TENT4B: variants seen among roughly 807,000 people sequenced by gnomAD.
The protein encoded by TENT4B is PAP associated domain containing 5.
In TENT4B, 10 loss-of-function variants were observed where a neutral mutation model predicts 75.0. The observed-to-expected ratio is 0.13, with a 90% CI of 0.08 to 0.23. The LOEUF (loss-of-function observed/expected upper bound fraction) is 0.23. TENT4B is among the 10% of genes least tolerant of loss of function. TENT4B has a pLI of 1.00. For missense variants in TENT4B, 579 were observed against 893.8 expected, an observed-to-expected ratio of 0.65 and a Z score of 4.49; for synonymous variants, 350 against 357.7, an observed-to-expected ratio of 0.98 and a Z score of 0.24.
Position 50,230,378 on chromosome 16 carries a change from A to G in TENT4B, c.*1050A>G. 1 of 983,852 alleles carries G rather than the reference A, an allele frequency of 1.0e-6. No individual in the cohort carries two copies. The highest frequency in any genetic ancestry group is 1.2e-6 in the Non-Finnish European group (1 of 829,738). 60.9% of individuals were successfully genotyped at this position (983,852 alleles called of 1,614,324 possible). ...AAACTTCGAGTTCCACAGACTTTGC[A>G]TGCTGGCTTCTCTAACCCTGTGTGC... is the stretch of plus-strand genomic sequence containing the variant. On this transcript the variant is annotated 3_prime_UTR_variant, in exon 12 of 12. Transcript: ENST00000561678.
At chr16:50,227,538 T>TA (rs1277045490) in intron 10 of TENT4B, among the ~76,000 whole-genome samples, 2 of 152,224 alleles carry the variant, frequency 1.3e-5, no homozygotes, top group African/African-American at 4.8e-5. Flanking sequence ...CCTCACTCTT[T>TA]ACCATACTCT....
chr16:50,229,167 C>A lies in TENT4B; in HGVS notation c.1981C>A (p.Leu661Ile), dbSNP rs748059845. The stretch of plus-strand genomic sequence containing the variant: ...GTTTCTGCAGCATGGATCAGCAAGG[C>A]TCTTTCGTTCTTCCAGCAAAGGCTT... ...TNKSQHGSAR[L>I]FRSSSKGFQG... The change falls in exon 12 of 12, where the codon CTC becomes ATC. Residue 661 changes from leucine (L) to isoleucine (I), a missense_variant. By Grantham distance (5) the Leu-to-Ile change is conservative. Around this residue, in one of 7 missense-constraint regions of TENT4B, gnomAD observed 164 missense variants for 226.5 expected, o/e 0.72. Coordinates refer to ENST00000561678, the MANE Select transcript of TENT4B (RefSeq NM_001365324.3). 4.2e-5 allele frequency: 67 copies of A among 1,613,774 alleles called. No homozygotes were observed. The highest frequency in any genetic ancestry group is 6.8e-6 in the Non-Finnish European group (8 of 1,179,796).
In TENT4B at chr16:50,233,875, T is replaced by A. The variant is rs749393810; in HGVS notation, c.*4547T>A. On this transcript the variant is annotated 3_prime_UTR_variant, in exon 12 of 12. Transcript: ENST00000561678. ...TGGATTTACTGAGAGATATTTTAGC[T>A]ATGTCAATAAGAACAGCTAATGATG... The A allele has an allele frequency of 1.6e-5, 16 of 985,336 alleles. No homozygotes were observed. The highest frequency in any genetic ancestry group is 1.9e-5 in the Non-Finnish European group (16 of 829,936). The allele number at this position is 985,336 out of a possible 1,614,324, so 61.0% of individuals were successfully genotyped here.
At chr16:50,199,677 T>C (rs1227691041) in intron 1 of TENT4B, among the ~76,000 whole-genome samples, 1 of 152,248 alleles carries the variant, frequency 6.6e-6, no homozygotes, top group Non-Finnish European at 1.5e-5. Context: ...TTAGGATTCC[T>C]TCATGCCTTT....
chr16:50,152,949 C>G (rs1227172986), upstream of TENT4B: 1 of 1,506,364 alleles, frequency 6.6e-7, no homozygotes, highest in African/African-American at 1.4e-5. Context: ...GGGCGGCAAC[C>G]TCCATGCGGC....
intron 1 of TENT4B, among the ~76,000 whole-genome samples, chr16:50,198,253 C>T (rs775402459): frequency 1.1e-4 from 17 of 151,194 alleles, no homozygotes; most frequent in Non-Finnish European, 2.5e-4. Flanking sequence ...CCCGTCTCTA[C>T]AAAAAATACA....
At chr16:50,155,144 G>T (rs571264170) in intron 1 of TENT4B, among the ~76,000 whole-genome samples, 1 of 152,284 alleles carries the variant, frequency 6.6e-6, no homozygotes, top group East Asian at 1.9e-4. Flanking sequence ...AATCTTACCT[G>T]ACCCCTAGTG....
At chr16:50,209,767 C>CG (rs2031181619) in intron 1 of TENT4B, among the ~76,000 whole-genome samples, 2 of 152,176 alleles carry the variant, frequency 1.3e-5, no homozygotes, top group African/African-American at 4.8e-5. Flanking sequence ...GTCTAGAACT[C>CG]AAGGTTTTTG....
At chr16:50,155,719 G>T (rs1014111313) in intron 1 of TENT4B, among the ~76,000 whole-genome samples, 1 of 152,132 alleles carries the variant, frequency 6.6e-6, no homozygotes, top group Admixed American at 6.6e-5. Flanking sequence ...TGGTCATCAC[G>T]TTTTATTAAA....
chr16:50,186,231 T>C (rs536883849), intron 1 of TENT4B, among the ~76,000 whole-genome samples: 1 of 152,194 alleles, frequency 6.6e-6, no homozygotes, highest in South Asian at 2.1e-4. Context: ...AACTAGATGC[T>C]GGCAATCACC....
intron 6 of TENT4B, among the ~76,000 whole-genome samples, chr16:50,222,807 G>A (rs1567513010): frequency 6.6e-6 from 1 of 152,288 alleles, no homozygotes; most frequent in South Asian, 2.1e-4. Flanking sequence ...CAGCTATTTG[G>A]GTAAGCGAAT....
chr16:50,201,834 A>T (rs1383572552), intron 1 of TENT4B, among the ~76,000 whole-genome samples: 1 of 130,132 alleles, frequency 7.7e-6, no homozygotes, highest in Non-Finnish European at 1.8e-5. Context: ...TCTATTTAAA[A>T]AAAAAAAAAA....
chr16:50,227,810 C>T (rs2032119950), intron 10 of TENT4B, 29 bp from the exon 11 acceptor site: 3 of 1,604,018 alleles, frequency 1.9e-6, no homozygotes, highest in Non-Finnish European at 2.6e-6. Flanking sequence ...ACTAATATGT[C>T]ACATTATAAC....
chr16:50,168,512 T>C (rs1380876575), intron 1 of TENT4B, among the ~76,000 whole-genome samples: 1 of 148,778 alleles, frequency 6.7e-6, no homozygotes, highest in African/African-American at 2.5e-5. Flanking sequence ...CTCGGTTTCA[T>C]CATGTTGGCC....
Position 50,231,181 on chromosome 16 carries a change from A to G in TENT4B, c.*1853A>G. On this transcript the variant is annotated 3_prime_UTR_variant, in exon 12 of 12. Transcript: ENST00000561678. ...TAAACTGTGGAAGATTTCAAATGTG[A>G]TGTTATTTTGACAATGTTTTAAATT... 1.0e-6 allele frequency: 1 copy of G among 985,334 alleles called. No individual in the cohort carries two copies. The highest frequency in any genetic ancestry group is 1.2e-6 in the Non-Finnish European group (1 of 829,446). The allele number at this position is 985,334 out of a possible 1,614,324, so 61.0% of individuals were successfully genotyped here.
intron 1 of TENT4B, among the ~76,000 whole-genome samples, chr16:50,202,657 CAA>C (rs1277003691): frequency 6.6e-6 from 1 of 152,108 alleles, no homozygotes; most frequent in Non-Finnish European, 1.5e-5. Context: ...TAGAACTACT[CAA>C]GAGTAGTTTG....
intron 11 of TENT4B, 149 bp from the exon 12 acceptor site, chr16:50,229,003 T>C (rs1353411270): frequency 6.9e-7 from 1 of 1,444,842 alleles, no homozygotes. Flanking sequence ...TAACAGCTTT[T>C]TCTGCCCACT....
intron 1 of TENT4B, among the ~76,000 whole-genome samples, chr16:50,166,907 G>C (rs865864067): frequency 6.6e-6 from 1 of 151,732 alleles, no homozygotes; most frequent in African/African-American, 2.4e-5. Context: ...TGGAATTAGA[G>C]GCATGAGCCA....
chr16:50,170,082 C>T (rs142526767), intron 1 of TENT4B, among the ~76,000 whole-genome samples: 9 of 151,728 alleles, frequency 5.9e-5, no homozygotes, highest in African/African-American at 2.2e-4. Context: ...GATGGAGTCT[C>T]ACACTGTCTC....
Sources: allele counts gnomAD v4.1 joint callset (sites outside exome capture counted in the v4.1 genomes callset), GRCh38; gene constraint gnomAD v4.1.1; regional missense constraint gnomAD v4.1.1; transcripts MANE v1.5; gene names NCBI Gene and HGNC (gene_info 2026-07-23, HGNC 2026-07-21).